The following CTNNA3 variants were observed in gnomAD, a reference collection of about 807,000 sequenced individuals.
CTNNA3 encodes the protein catenin alpha-3.
Under a neutral mutation model 95.7 loss-of-function variants are expected in CTNNA3, and 76 were observed. The ratio of observed to expected loss-of-function variants is 0.79; its 90% CI spans 0.66 to 0.96. The LOEUF is 0.96. CTNNA3 is among the 40% of genes least tolerant of loss of function. The probability of loss-of-function intolerance (pLI) is 0.00; values close to 1 mark genes in which losing one functional copy is unlikely to be tolerated. For synonymous variants in CTNNA3, 431 were observed against 374.4 expected (o/e 1.15, Z -1.74); for missense variants, 1,191 against 1,089.8 (o/e 1.09, Z -1.31).
intron 12 of CTNNA3, among the ~76,000 whole-genome samples, chr10:66,374,103 G>C (rs573157312): frequency 5.9e-5 from 9 of 152,232 alleles, no homozygotes; most frequent in African/African-American, 2.2e-4. Context: ...AGAAGGACTT[G>C]GTGATCATTG....
chr10:66,344,941 AATTCT>A (rs1353757441), intron 12 of CTNNA3, among the ~76,000 whole-genome samples: 4 of 152,110 alleles, frequency 2.6e-5, no homozygotes, highest in African/African-American at 9.7e-5. Context: ...GGTATACAAA[AATTCT>A]AGTCCTTCAT....
chr10:66,031,086 G>A (rs1463336001), intron 15 of CTNNA3, among the ~76,000 whole-genome samples: 2 of 152,134 alleles, frequency 1.3e-5, no homozygotes, highest in South Asian at 4.1e-4. Flanking sequence ...AGAGAAAAGG[G>A]AACACTTGAA....
rs534719965 is a variant in CTNNA3, at chr10:66,951,111, A to G, written c.1048-175587T>C. On this transcript the variant is annotated intron_variant, in intron 7 of 17. Transcript: ENST00000433211. ...AATACACACACACACACACACACAC[A>G]CACACACTGTCTTTTTTTTTTTTTA... Among the ~76,000 whole-genome samples, 328 of 148,048 alleles carry G rather than the reference A, an allele frequency of 2.2e-3. 2 individuals carry two copies. Among genetic ancestry groups the G allele is most frequent in the African/African-American group, 7.7e-3 (308 of 40,046 alleles).
At chr10:67,589,520 T>C (rs1842732173) in intron 3 of CTNNA3, among the ~76,000 whole-genome samples, 2 of 152,190 alleles carry the variant, frequency 1.3e-5, no homozygotes, top group Admixed American at 1.3e-4. Context: ...CCCACTGTTA[T>C]ACTGACTAAT....
intron 12 of CTNNA3, among the ~76,000 whole-genome samples, chr10:66,303,760 A>AT (rs1285830124): frequency 2.6e-5 from 4 of 151,936 alleles, no homozygotes; most frequent in African/African-American, 9.7e-5. Context: ...CGCCTGGCTA[A>AT]TTTTTTGTAT....
intron 15 of CTNNA3, among the ~76,000 whole-genome samples, chr10:66,068,295 T>C (rs2080357414): frequency 6.6e-6 from 1 of 152,182 alleles, no homozygotes; most frequent in Non-Finnish European, 1.5e-5. Flanking sequence ...TCTTTATATA[T>C]AAATGGGATC....
intron 9 of CTNNA3, among the ~76,000 whole-genome samples, chr10:66,674,765 G>T (rs533996949): frequency 2.0e-5 from 3 of 152,004 alleles, no homozygotes; most frequent in African/African-American, 7.2e-5. Flanking sequence ...CATCCTAGTG[G>T]TTGATACGGG....
intron 7 of CTNNA3, among the ~76,000 whole-genome samples, chr10:66,873,830 T>C (rs1427374360): frequency 1.3e-5 from 2 of 152,112 alleles, no homozygotes; most frequent in African/African-American, 2.4e-5. Context: ...CTAGGAAATA[T>C]CTTTCTTGAC....
chr10:66,593,826 C>T (rs1437834365), intron 10 of CTNNA3, among the ~76,000 whole-genome samples: 1 of 152,048 alleles, frequency 6.6e-6, no homozygotes, highest in African/African-American at 2.4e-5. Flanking sequence ...CCTTCTTTGG[C>T]TATTCATTCT....
At chr10:67,153,565 A>G (rs1378400798) in intron 7 of CTNNA3, among the ~76,000 whole-genome samples, 1 of 152,254 alleles carries the variant, frequency 6.6e-6, no homozygotes, top group Non-Finnish European at 1.5e-5. Flanking sequence ...TAGAATTTAA[A>G]TTCAGAGTTC....
chr10:66,765,585 C>A (rs1031504531), intron 9 of CTNNA3, among the ~76,000 whole-genome samples: 6 of 152,136 alleles, frequency 3.9e-5, no homozygotes, highest in Non-Finnish European at 2.9e-5. Context: ...AGACATTCCT[C>A]CATTCAGGCT....
intron 2 of CTNNA3, among the ~76,000 whole-genome samples, chr10:67,621,930 T>G (rs1037612859): frequency 2.6e-5 from 4 of 152,150 alleles, no homozygotes; most frequent in African/African-American, 9.7e-5. Flanking sequence ...CTAAGTTTGC[T>G]TTCACATTAC....
intron 1 of CTNNA3, among the ~76,000 whole-genome samples, chr10:67,725,147 C>T (rs1194315732): frequency 6.6e-6 from 1 of 151,730 alleles, no homozygotes; most frequent in Non-Finnish European, 1.5e-5. Context: ...TACATCCATC[C>T]ACTTATATAT....
chr10:67,126,327 G>T (rs1859718388), intron 7 of CTNNA3, among the ~76,000 whole-genome samples: 1 of 152,214 alleles, frequency 6.6e-6, no homozygotes, highest in African/African-American at 2.4e-5. Flanking sequence ...AGGAGTTCAA[G>T]ACCAGCCTGG....
chr10:65,965,660 G>A (rs1043426227), intron 17 of CTNNA3, among the ~76,000 whole-genome samples: 5 of 151,772 alleles, frequency 3.3e-5, no homozygotes, highest in African/African-American at 4.8e-5. Context: ...ACACCAAAGC[G>A]CTGGGATTAT....
intron 5 of CTNNA3, among the ~76,000 whole-genome samples, chr10:67,388,084 A>G (rs1409602952): frequency 1.3e-5 from 2 of 150,420 alleles, no homozygotes; most frequent in African/African-American, 4.9e-5. Context: ...AGCTGAGAGA[A>G]GAAGGCTTCA....
At chr10:66,239,108 T>C (rs540742063) in intron 13 of CTNNA3, among the ~76,000 whole-genome samples, 7 of 151,944 alleles carry the variant, frequency 4.6e-5, no homozygotes, top group African/African-American at 1.4e-4. Context: ...AGAACTATAA[T>C]ATATTTATAA....
chr10:67,025,130 AAAAAC>A (rs1346863706), intron 7 of CTNNA3, among the ~76,000 whole-genome samples: 40 of 48,822 alleles, frequency 8.2e-4, no homozygotes, highest in Non-Finnish European at 1.3e-3. Flanking sequence ...AAACTCTGTC[AAAAAC>A]AAAAAAAAAA....
intron 11 of CTNNA3, among the ~76,000 whole-genome samples, chr10:66,414,628 C>CA (rs1315992830): frequency 1.3e-5 from 2 of 152,150 alleles, no homozygotes; most frequent in Non-Finnish European, 2.9e-5. Context: ...TAAGCAACTA[C>CA]AGCAAGATGC....
Sources: allele counts gnomAD v4.1 joint callset (sites outside exome capture counted in the v4.1 genomes callset), GRCh38; gene constraint gnomAD v4.1.1; transcripts MANE v1.5; gene names NCBI Gene and HGNC (gene_info 2026-07-23, HGNC 2026-07-21).